The following OCIAD1 variants were observed in gnomAD, a reference collection of about 807,000 sequenced individuals.
The protein encoded by OCIAD1 is OCIA domain containing 1, also known as OCIA domain-containing protein 1.
A neutral mutation model predicts 38.9 loss-of-function variants in OCIAD1; 29 were observed. That is an observed-to-expected ratio of 0.74 (90% CI 0.55 to 1.02). OCIAD1 has a LOEUF of 1.02. OCIAD1 is among the 50% of genes least tolerant of loss of function. OCIAD1 has a pLI of 0.00. For synonymous variants in OCIAD1, 110 were observed against 92.0 expected (o/e 1.20, Z -1.12); for missense variants, 288 against 289.6 (o/e 0.99, Z 0.04).
chr4:48,825,527 G>T (rs1249274737), intron 1 of OCIAD1, among the ~76,000 whole-genome samples: 4 of 152,124 alleles, frequency 2.6e-5, no homozygotes, highest in Non-Finnish European at 5.9e-5. Flanking sequence ...ATCACTTTTG[G>T]GGTACATAGG....
chr4:48,860,996 A>G lies in OCIAD1; in HGVS notation c.*234A>G, dbSNP rs748624862. 8.6e-5 allele frequency: 39 copies of G among 452,720 alleles called. No homozygotes were observed. The highest frequency in any genetic ancestry group is 1.3e-4 in the Non-Finnish European group (33 of 256,316). 28.0% of individuals were successfully genotyped at this position (452,720 alleles called of 1,614,324 possible). A position where few individuals can be genotyped will look rare whatever the true frequency, so the allele number is the denominator to read the frequency against. On this transcript the variant is annotated 3_prime_UTR_variant, in exon 9 of 9. Transcript: ENST00000264312. ...ATTTGAATGATGGTATTATACCATG[A>G]TTGTATACAGTTTGTGAAATTGTTG...
At chr4:48,841,696 A>G (rs1254309352) in intron 3 of OCIAD1, among the ~76,000 whole-genome samples, 2 of 152,194 alleles carry the variant, frequency 1.3e-5, no homozygotes, top group Non-Finnish European at 2.9e-5. Context: ...CCAAGACCAA[A>G]TTGATCACAG....
At chr4:48,843,877 G>T (rs879659589) in intron 4 of OCIAD1, among the ~76,000 whole-genome samples, 1 of 152,170 alleles carries the variant, frequency 6.6e-6, no homozygotes, top group African/African-American at 2.4e-5. Context: ...TATGCAGAAG[G>T]TTACACAAAA....
chr4:48,850,179 C>A, intron 6 of OCIAD1, 97 bp downstream of exon 6: 1 of 1,268,330 alleles, frequency 7.9e-7, no homozygotes, highest in Non-Finnish European at 1.1e-6. Flanking sequence ...CCTGAAGGAC[C>A]ACTGGATACT....
At chr4:48,847,743 C>G (rs1579088584) in intron 4 of OCIAD1, among the ~76,000 whole-genome samples, 1 of 152,140 alleles carries the variant, frequency 6.6e-6, no homozygotes, top group African/African-American at 2.4e-5. Context: ...TATTCTTGTA[C>G]TTAATACCAG....
chr4:48,848,387 T>C lies in OCIAD1; in HGVS notation c.194-12T>C, dbSNP rs779338678. 10 of 1,375,012 alleles carry C rather than the reference T, an allele frequency of 7.3e-6. No homozygotes were observed. The highest frequency in any genetic ancestry group is 9.3e-6 in the Non-Finnish European group (9 of 971,250). The allele number at this position is 1,375,012 out of a possible 1,614,324, so 85.2% of individuals were successfully genotyped here. A position where few individuals can be genotyped will look rare whatever the true frequency, so the allele number is the denominator to read the frequency against. On this transcript the variant is annotated splice_polypyrimidine_tract_variant and intron_variant, in intron 4 of 8. Coordinates refer to ENST00000264312, the MANE Select transcript of OCIAD1 (RefSeq NM_017830.4). ...ACAGTGTTACTCAGAAATACTTAAC[T>C]CTTTTCTTTAGGAATACTTTCAAGT...
intron 1 of OCIAD1, among the ~76,000 whole-genome samples, chr4:48,808,452 A>G (rs527942676): frequency 6.6e-6 from 1 of 152,112 alleles, no homozygotes; most frequent in Non-Finnish European, 1.5e-5. Flanking sequence ...CCTGGGTGAC[A>G]GGGTGAGACC....
intron 7 of OCIAD1, among the ~76,000 whole-genome samples, chr4:48,853,371 T>C (rs1779721200): frequency 6.6e-6 from 1 of 152,160 alleles, no homozygotes; most frequent in Non-Finnish European, 1.5e-5. Flanking sequence ...AACCTCTGAA[T>C]GGATGGATAT....
rs1308923315 is a variant in OCIAD1, at chr4:48,832,798, C to CT, written c.58+116_58+117insT. ...TCATGGGCATGTGCAGACAGCGCCC[C>CT]ATACTTGGTTTCATGTTCTAGTCTT... On this transcript the variant is annotated intron_variant, in intron 2 of 8. Transcript: ENST00000264312. The CT allele has an allele frequency of 2.1e-5, 16 of 744,592 alleles. No individual in the cohort carries two copies. In the East Asian group the frequency reaches 3.5e-4, roughly 16 times the overall value. 46.1% of individuals were successfully genotyped at this position (744,592 alleles called of 1,614,324 possible).
chr4:48,838,282 C>T, intron 3 of OCIAD1, among the ~76,000 whole-genome samples: 1 of 150,570 alleles, frequency 6.6e-6, no homozygotes, highest in East Asian at 1.9e-4. Flanking sequence ...CGTGCCACTG[C>T]ACTCCAGCCT....
upstream of OCIAD1, among the ~76,000 whole-genome samples, chr4:48,827,844 C>T (rs1395781988): frequency 6.6e-6 from 1 of 152,212 alleles, no homozygotes; most frequent in Non-Finnish European, 1.5e-5. Flanking sequence ...CAGCTGGGCT[C>T]CAGAGTTGGG....
chr4:48,815,772 C>T (rs763608925), intron 1 of OCIAD1, among the ~76,000 whole-genome samples: 9 of 152,132 alleles, frequency 5.9e-5, no homozygotes, highest in South Asian at 2.1e-4. Flanking sequence ...CACTTCCCAT[C>T]GCCTCTGTTT....
At chr4:48,831,324 C>A in intron 1 of OCIAD1, 75 bp downstream of exon 1, 1 of 408,422 alleles carries the variant, frequency 2.4e-6, no homozygotes, top group East Asian at 7.2e-5. Context: ...CCATCCACGA[C>A]TTTCGCACCT....
In OCIAD1 at chr4:48,857,211, A is replaced by G; in HGVS notation, c.548-2A>G. ...CCATTTATTAACTGTTTGTTGTTTT[A>G]GGACCTGATCCCAACCTTGAAGAAA... On this transcript the variant is annotated splice_acceptor_variant, in intron 7 of 8. Coordinates refer to ENST00000264312, the MANE Select transcript of OCIAD1 (RefSeq NM_017830.4). LOFTEE classifies it high-confidence loss of function. The G allele has an allele frequency of 6.6e-7, 1 of 1,524,514 alleles. No homozygotes were observed. The highest frequency in any genetic ancestry group is 2.4e-5 in the East Asian group (1 of 42,376). 94.4% of individuals were successfully genotyped at this position (1,524,514 alleles called of 1,614,324 possible).
intron 5 of OCIAD1, 120 bp from the exon 6 acceptor site, chr4:48,849,827 C>T (rs1239055618): frequency 2.7e-6 from 2 of 752,906 alleles, no homozygotes; most frequent in African/African-American, 3.6e-5. Flanking sequence ...CAGGAAATCT[C>T]AGTCTTTCTA....
At chr4:48,845,856 G>A (rs1404338932) in intron 4 of OCIAD1, among the ~76,000 whole-genome samples, 1 of 152,148 alleles carries the variant, frequency 6.6e-6, no homozygotes, top group Non-Finnish European at 1.5e-5. Context: ...ACCTCCATCT[G>A]TACTGCCAGC....
At chr4:48,855,064 C>A (rs866466015) in intron 7 of OCIAD1, among the ~76,000 whole-genome samples, 2 of 152,114 alleles carry the variant, frequency 1.3e-5, no homozygotes, top group Non-Finnish European at 2.9e-5. Context: ...TGTATATTTT[C>A]ATTATTTGTT....
At chr4:48,847,957 AAT>A (rs1779109704) in intron 4 of OCIAD1, among the ~76,000 whole-genome samples, 1 of 152,092 alleles carries the variant, frequency 6.6e-6, no homozygotes, top group African/African-American at 2.4e-5. Context: ...CCATCTTTAG[AAT>A]ATTGGGTCTT....
chr4:48,860,118 G>C (rs189712227), intron 8 of OCIAD1: 1 of 152,560 alleles, frequency 6.6e-6, no homozygotes, highest in African/African-American at 2.4e-5. Flanking sequence ...GAGTAGAATA[G>C]ACAGCGGAGC....
Sources: gnomAD v4.1 joint callset for allele counts (sites outside exome capture counted in the v4.1 genomes callset) on GRCh38, gnomAD v4.1.1 for gene constraint, MANE v1.5 for transcripts, NCBI Gene and HGNC (gene_info 2026-07-23, HGNC 2026-07-21) for gene names.